The following ZNF395 variants were observed in gnomAD, a reference collection of about 807,000 sequenced individuals.
The protein encoded by ZNF395 is zinc finger protein 395.
In ZNF395, 20 loss-of-function variants were observed where a neutral mutation model predicts 57.7. The observed-to-expected ratio is 0.35, with a 90% CI of 0.24 to 0.50. ZNF395 has a LOEUF of 0.50. ZNF395 is among the 20% of genes least tolerant of loss of function. The pLI, the probability that ZNF395 is intolerant of heterozygous loss-of-function variation, is 0.97. For synonymous variants in ZNF395, 295 were observed against 275.9 expected (o/e 1.07, Z -0.69); for missense variants, 606 against 671.2 (o/e 0.90, Z 1.07).
intron 1 of ZNF395, among the ~76,000 whole-genome samples, chr8:28,380,375 C>T (rs1392503746): frequency 6.6e-6 from 1 of 152,188 alleles, no homozygotes; most frequent in African/African-American, 2.4e-5. Context: ...TTCTAGACGA[C>T]TGAACCTTGA....
At chr8:28,363,709 A>G (rs1444963690) in intron 1 of ZNF395, among the ~76,000 whole-genome samples, 1 of 152,212 alleles carries the variant, frequency 6.6e-6, no homozygotes, top group Non-Finnish European at 1.5e-5. Context: ...ACTGAAAATG[A>G]AGAAAGGGTA....
At chr8:28,369,482 T>G (rs1017998186) in intron 1 of ZNF395, among the ~76,000 whole-genome samples, 1 of 152,194 alleles carries the variant, frequency 6.6e-6, no homozygotes, top group Non-Finnish European at 1.5e-5. Context: ...CTGGTCAAAA[T>G]GAACCAACTC....
At chr8:28,384,442 T>G (rs1007322491) in intron 1 of ZNF395, among the ~76,000 whole-genome samples, 4 of 152,198 alleles carry the variant, frequency 2.6e-5, no homozygotes, top group African/African-American at 9.6e-5. Context: ...CTCCCTTCTC[T>G]GACTCCAACA....
chr8:28,349,601 G>T (rs1186859379), intron 8 of ZNF395, among the ~76,000 whole-genome samples: 2 of 152,236 alleles, frequency 1.3e-5, no homozygotes, highest in Non-Finnish European at 2.9e-5. Flanking sequence ...ACCAGCGCCT[G>T]CTAGGTAGAG....
intron 1 of ZNF395, among the ~76,000 whole-genome samples, chr8:28,377,939 G>T (rs1358043513): frequency 1.3e-5 from 2 of 151,622 alleles, no homozygotes; most frequent in African/African-American, 4.8e-5. Flanking sequence ...TGTATTTTTA[G>T]TAGAGACGGG....
intron 1 of ZNF395, among the ~76,000 whole-genome samples, chr8:28,370,008 T>TTGTA (rs1262827362): frequency 6.6e-6 from 1 of 152,188 alleles, no homozygotes; most frequent in Non-Finnish European, 1.5e-5. Context: ...ATGTACTGTG[T>TTGTA]TGTATAATGA....
chr8:28,360,090 T>C (rs1228152274), intron 2 of ZNF395, among the ~76,000 whole-genome samples: 1 of 152,216 alleles, frequency 6.6e-6, no homozygotes, highest in Non-Finnish European at 1.5e-5. Context: ...TTTCTCTGAA[T>C]CTAGAATCTG....
chr8:28,365,001 A>T (rs17059028), intron 1 of ZNF395, among the ~76,000 whole-genome samples: 3,521 of 152,328 alleles, frequency 0.023, 86 homozygotes, highest in East Asian at 0.13. Context: ...AGGGCACGCA[A>T]AGGGATAATG....
At position 28,352,587 on chromosome 8, in the gene ZNF395, T is replaced by C; in HGVS notation, c.906A>G (p.Lys302=). 1 of 1,614,086 alleles carries C rather than the reference T, an allele frequency of 6.2e-7. No individual in the cohort carries two copies. Among genetic ancestry groups the C allele is most frequent in the South Asian group, 1.1e-5 (1 of 91,078 alleles). The change falls in exon 6 of 10, where the codon AAA becomes AAG. Residue 302 remains lysine (K), a synonymous_variant. Transcript: ENST00000344423. This position sits in a 1 kb window ranked among gnomAD's most constrained non-coding sequence, Gnocchi z 4.0. ...RSIVGIKRHV[K]ALHLGDTVDS... is the part of the protein sequence containing the mutation. ...CTCGCACATACCCCAGATGGAGGGCTTTGACGTGTCGTTTGATGCCCACAA... is the reference window on the plus strand; with the variant it reads ...CTCGCACATACCCCAGATGGAGGGCCTTGACGTGTCGTTTGATGCCCACAA...
intron 1 of ZNF395, among the ~76,000 whole-genome samples, chr8:28,382,255 T>C (rs780533556): frequency 2.0e-5 from 3 of 152,054 alleles, no homozygotes; most frequent in Admixed American, 1.3e-4. Flanking sequence ...ATCCAGAGAT[T>C]TTTCTGTATT....
intron 1 of ZNF395, among the ~76,000 whole-genome samples, chr8:28,367,001 T>C (rs1420090270): frequency 6.6e-6 from 1 of 151,716 alleles, no homozygotes; most frequent in Non-Finnish European, 1.5e-5. Context: ...AAGAGGGGTG[T>C]GGTGTGTACT....
At chr8:28,348,904 G>A in intron 9 of ZNF395, 74 bp from the exon 10 acceptor site, 2 of 1,506,440 alleles carry the variant, frequency 1.3e-6, no homozygotes, top group Non-Finnish European at 1.8e-6. Context: ...GTGGGGCTGG[G>A]AGAACAAGCA....
intron 1 of ZNF395, chr8:28,365,397 C>G (rs180874314): frequency 6.6e-6 from 1 of 152,480 alleles, no homozygotes; most frequent in Non-Finnish European, 1.5e-5. Flanking sequence ...CAACCTCTCT[C>G]CTCCAGAATC....
At chr8:28,354,829 G>C (rs995291945) in intron 4 of ZNF395, among the ~76,000 whole-genome samples, 10 of 151,110 alleles carry the variant, frequency 6.6e-5, no homozygotes, top group African/African-American at 2.2e-4. Context: ...AAAACGATCA[G>C]GGAGAGAAGG....
chr8:28,384,561 G>A (rs1036630967), intron 1 of ZNF395, among the ~76,000 whole-genome samples: 3 of 152,136 alleles, frequency 2.0e-5, no homozygotes, highest in Non-Finnish European at 4.4e-5. Flanking sequence ...AGCCCTGGAG[G>A]GAGGGAATCA....
At chr8:28,363,360 G>A (rs934929922) in intron 1 of ZNF395, among the ~76,000 whole-genome samples, 1 of 152,046 alleles carries the variant, frequency 6.6e-6, no homozygotes, top group Non-Finnish European at 1.5e-5. Flanking sequence ...TCAAACTCCT[G>A]AGCTCAGGCC....
intron 4 of ZNF395, among the ~76,000 whole-genome samples, chr8:28,355,894 C>T (rs1294920852): frequency 6.6e-6 from 1 of 152,180 alleles, no homozygotes. Flanking sequence ...TTTCCTCCTG[C>T]TATGTGCTCA....
At position 28,348,134 on chromosome 8, in the gene ZNF395, G is replaced by A. The variant is rs1801630281; in HGVS notation, c.*585C>T. The A allele has an allele frequency of 6.6e-6, 1 of 152,158 alleles. No homozygotes were observed. The highest frequency in any genetic ancestry group is 2.1e-4 in the South Asian group (1 of 4,828). 9.4% of individuals were successfully genotyped at this position (152,158 alleles called of 1,614,324 possible). On this transcript the variant is annotated 3_prime_UTR_variant, in exon 10 of 10. Transcript: ENST00000344423. ...AGATTTAAGTCGTCACCAAGAAAGG[G>A]ATTTCCTTTGACTTCCATGCAGGAT...
At chr8:28,363,843 C>T (rs1801879030) in intron 1 of ZNF395, among the ~76,000 whole-genome samples, 1 of 152,060 alleles carries the variant, frequency 6.6e-6, no homozygotes, top group Admixed American at 6.5e-5. Context: ...CTTTCTACTG[C>T]CTATTTTGTT....
Sources: gnomAD v4.1 joint callset for allele counts (sites outside exome capture counted in the v4.1 genomes callset) on GRCh38, gnomAD v4.1.1 for gene constraint, Gnocchi (gnomAD v3.1) non-coding constraint, MANE v1.5 for transcripts, NCBI Gene and HGNC (gene_info 2026-07-23, HGNC 2026-07-21) for gene names.